The following IL18R1 variants were observed in gnomAD, a reference collection of about 807,000 sequenced individuals.
The protein encoded by IL18R1 is interleukin-18 receptor 1.
IL18R1 carries 40 observed loss-of-function variants against 48.5 expected under a neutral mutation model. The observed-to-expected ratio is 0.82, with a 90% CI of 0.64 to 1.07. The LOEUF (loss-of-function observed/expected upper bound fraction) is 1.07, where lower values mean the gene tolerates loss of function less well. Among genes scored for constraint, IL18R1 ranks in the 50% least tolerant of loss-of-function variants. The pLI is 0.00. For missense variants in IL18R1, 596 were observed against 633.7 expected, an observed-to-expected ratio of 0.94 and a Z score of 0.64; for synonymous variants, 232 against 225.9, an observed-to-expected ratio of 1.03 and a Z score of -0.24.
chr2:102,391,721 A>G (rs573852749), intron 9 of IL18R1, among the ~76,000 whole-genome samples: 1 of 152,298 alleles, frequency 6.6e-6, no homozygotes, highest in South Asian at 2.1e-4. Context: ...CCATAACCTT[A>G]CCCACAACCA....
rs780006077 is a variant in IL18R1 at position 102,368,077 on chromosome 2, C to T, written c.302+9C>T. 1.2e-6 allele frequency: 2 copies of T among 1,612,978 alleles called. No homozygotes were observed. The highest frequency in any genetic ancestry group is 1.1e-5 in the South Asian group (1 of 91,070). On this transcript the variant is annotated intron_variant, in intron 3 of 10. Transcript: ENST00000233957. The stretch of plus-strand genomic sequence containing the variant: ...TACTTTTTCCAAATGAAGTGAGTAA[C>T]CCTTTCTTTTCAAAATGTATTTCAC...
intron 4 of IL18R1, chr2:102,374,064 A>G: frequency 3.6e-6 from 1 of 275,318 alleles, no homozygotes; most frequent in Non-Finnish European, 7.9e-6. Context: ...CAATAAATGT[A>G]ATGCGCCTGA....
chr2:102,368,022 T>C lies in IL18R1; in HGVS notation c.256T>C (p.Trp86Arg). The C allele has an allele frequency of 6.2e-7, 1 of 1,614,244 alleles. No individual in the cohort carries two copies. Among genetic ancestry groups the C allele is most frequent in the Middle Eastern group, 1.6e-4 (1 of 6,062 alleles). ...TTTGCATGATTGTGTTTTGGAGTTT[T>C]GGCCAGTTGAGTTGAATGACACAGG... ...IALHDCVLEF[W>R]PVELNDTGSY... is the part of the protein sequence containing the mutation. Residue 86 changes from tryptophan to arginine, a missense_variant, in exon 3 of 11, where the codon TGG becomes CGG. This residue lies in a region of IL18R1 where 360 missense variants were observed against 339.4 expected (regional missense o/e 1.06). Coordinates refer to ENST00000233957, the MANE Select transcript of IL18R1 (RefSeq NM_003855.5).
At chr2:102,379,179 C>T (rs950513980) in intron 5 of IL18R1, among the ~76,000 whole-genome samples, 2 of 152,154 alleles carry the variant, frequency 1.3e-5, no homozygotes, top group Non-Finnish European at 1.5e-5. Context: ...TGTGGTGGCT[C>T]ATGCTGGTAA....
intron 6 of IL18R1, among the ~76,000 whole-genome samples, chr2:102,382,314 G>A (rs540864599): frequency 7.9e-5 from 12 of 152,036 alleles, no homozygotes; most frequent in South Asian, 4.2e-4. Context: ...TAAAAATTCC[G>A]TGAGAGCACT....
intron 6 of IL18R1, among the ~76,000 whole-genome samples, chr2:102,382,900 A>G (rs1486013499): frequency 1.3e-5 from 2 of 152,138 alleles, no homozygotes; most frequent in Non-Finnish European, 2.9e-5. Context: ...GTTGACCTGA[A>G]GAGTTAGATA....
intron 2 of IL18R1, among the ~76,000 whole-genome samples, chr2:102,366,182 T>C (rs540311682): frequency 6.6e-6 from 1 of 152,220 alleles, no homozygotes; most frequent in Non-Finnish European, 1.5e-5. Flanking sequence ...TTTTCCAAAC[T>C]CTTATGCTCT....
At chr2:102,371,370 C>G (rs1386308771) in intron 3 of IL18R1, among the ~76,000 whole-genome samples, 1 of 152,092 alleles carries the variant, frequency 6.6e-6, no homozygotes, top group Non-Finnish European at 1.5e-5. Context: ...GTAACAACAA[C>G]TATAAAATCT....
At chr2:102,375,569 T>TTC (rs140815276) in intron 4 of IL18R1, among the ~76,000 whole-genome samples, 33 of 151,178 alleles carry the variant, frequency 2.2e-4, no homozygotes, top group Non-Finnish European at 1.5e-4. Context: ...TGAAGTAGTG[T>TTC]TCTCTCTCTC....
chr2:102,383,030 C>T (rs980803442), intron 6 of IL18R1, among the ~76,000 whole-genome samples: 3 of 152,102 alleles, frequency 2.0e-5, no homozygotes, highest in African/African-American at 7.2e-5. Flanking sequence ...CTTAAAATTT[C>T]CCTTATGATT....
intron 5 of IL18R1, among the ~76,000 whole-genome samples, chr2:102,379,231 G>A (rs1679775654): frequency 6.6e-6 from 1 of 152,064 alleles, no homozygotes; most frequent in South Asian, 2.1e-4. Flanking sequence ...ATCACCTGAG[G>A]CCAGGAGTTC....
At chr2:102,379,461 A>T (rs1193652124) in intron 5 of IL18R1, among the ~76,000 whole-genome samples, 1 of 151,708 alleles carries the variant, frequency 6.6e-6, no homozygotes, top group African/African-American at 2.4e-5. Flanking sequence ...AAAAAAAAAA[A>T]AAAAAGGAAA....
intron 1 of IL18R1, among the ~76,000 whole-genome samples, chr2:102,362,145 C>T (rs772016437): frequency 2.6e-5 from 4 of 152,148 alleles, no homozygotes; most frequent in Non-Finnish European, 4.4e-5. Context: ...ATGAAACCTA[C>T]GTTCTGAAGG....
intron 5 of IL18R1, among the ~76,000 whole-genome samples, chr2:102,378,392 G>A (rs6750152): frequency 0.012 from 1,861 of 152,292 alleles, 37 homozygotes; most frequent in African/African-American, 0.042. Flanking sequence ...ACAGCTCTAG[G>A]ATGGCTCTAG....
intron 9 of IL18R1, among the ~76,000 whole-genome samples, chr2:102,390,883 C>T (rs1001118067): frequency 7.2e-6 from 1 of 139,004 alleles, no homozygotes; most frequent in African/African-American, 2.7e-5. Context: ...TGCAGTGAGT[C>T]GGGATCGCGC....
chr2:102,386,761 A>C, intron 7 of IL18R1, 100 bp from the exon 8 acceptor site: 2 of 1,167,640 alleles, frequency 1.7e-6, no homozygotes, highest in Non-Finnish European at 2.5e-6. Flanking sequence ...GAAATAATGC[A>C]GGCAACATCA....
At chr2:102,373,862 C>T (rs530064201) in intron 4 of IL18R1, 59 of 328,136 alleles carry the variant, frequency 1.8e-4, no homozygotes, top group Non-Finnish European at 6.8e-5. Context: ...ACTGTGCATG[C>T]GAGGAATCTA....
At chr2:102,370,630 G>A (rs768083187) in intron 3 of IL18R1, among the ~76,000 whole-genome samples, 1 of 152,246 alleles carries the variant, frequency 6.6e-6, no homozygotes, top group Admixed American at 6.5e-5. Context: ...GAATTGTGCA[G>A]AGCACTTCTG....
intron 9 of IL18R1, among the ~76,000 whole-genome samples, chr2:102,391,993 G>A (rs1041356830): frequency 6.6e-6 from 1 of 152,124 alleles, no homozygotes; most frequent in Non-Finnish European, 1.5e-5. Flanking sequence ...AATATTCCCA[G>A]GCTGTAATTT....
Sources: gnomAD v4.1 joint callset for allele counts (sites outside exome capture counted in the v4.1 genomes callset) on GRCh38, gnomAD v4.1.1 for gene constraint, gnomAD v4.1.1 regional missense constraint, MANE v1.5 for transcripts, NCBI Gene and HGNC (gene_info 2026-07-23, HGNC 2026-07-21) for gene names.